MGLL: variants seen among roughly 807,000 people sequenced by gnomAD.
MGLL encodes monoglyceride lipase.
A neutral mutation model predicts 29.1 loss-of-function variants in MGLL; 7 were observed. The ratio of observed to expected loss-of-function variants is 0.24; its 90% CI spans 0.14 to 0.45. The LOEUF is 0.45. Ranked by LOEUF, MGLL falls within the 20% of genes least tolerant of loss-of-function variation. MGLL has a pLI of 0.99. For synonymous variants in MGLL, 148 were observed against 168.3 expected (o/e 0.88, Z 0.93); for missense variants, 356 against 413.6 (o/e 0.86, Z 1.21).
At chr3:127,823,183 G>C (rs2077896013), upstream of MGLL, 1 of 151,600 alleles carries the variant, frequency 6.6e-6, no homozygotes, top group East Asian at 1.9e-4. Flanking sequence ...GCTTCGCGGC[G>C]ACAGGGTGCG....
intron 5 of MGLL, among the ~76,000 whole-genome samples, chr3:127,718,480 C>T (rs938073396): frequency 1.3e-5 from 2 of 152,292 alleles, no homozygotes; most frequent in African/African-American, 2.4e-5. Flanking sequence ...GGAAATGACC[C>T]CAGGGCACCC....
chr3:127,740,275 C>T (rs965587860), intron 3 of MGLL, among the ~76,000 whole-genome samples: 2 of 152,206 alleles, frequency 1.3e-5, no homozygotes, highest in African/African-American at 2.4e-5. Context: ...CATCCAGCTT[C>T]GAACCCTGCC....
chr3:127,736,460 C>G, intron 3 of MGLL: 1 of 611,822 alleles, frequency 1.6e-6, no homozygotes, highest in Non-Finnish European at 2.0e-6. Flanking sequence ...GAAATGGCTC[C>G]GCTGCCCTGG....
At chr3:127,743,454 C>T (rs1017001463) in intron 3 of MGLL, among the ~76,000 whole-genome samples, 1 of 151,460 alleles carries the variant, frequency 6.6e-6, no homozygotes, top group South Asian at 2.1e-4. Flanking sequence ...GGAAATAAGA[C>T]CAATGACAAA....
intron 5 of MGLL, chr3:127,712,287 T>G (rs2075730229): frequency 6.6e-6 from 1 of 152,306 alleles, no homozygotes; most frequent in Non-Finnish European, 1.5e-5. Flanking sequence ...GGGACAAGAT[T>G]GCTGTGCTTG....
At chr3:127,709,329 T>G (rs2075664506) in intron 6 of MGLL, among the ~76,000 whole-genome samples, 1 of 152,232 alleles carries the variant, frequency 6.6e-6, no homozygotes, top group African/African-American at 2.4e-5. Flanking sequence ...GTGGATGGGT[T>G]GGATGGATCA....
chr3:127,762,836 T>C (rs1483515247), intron 3 of MGLL, among the ~76,000 whole-genome samples: 2 of 143,328 alleles, frequency 1.4e-5, no homozygotes, highest in Non-Finnish European at 3.1e-5. Flanking sequence ...AGTTTACAGA[T>C]TGGAGCTCTA....
At chr3:127,702,803 T>G (rs1235015132) in intron 6 of MGLL, among the ~76,000 whole-genome samples, 1 of 152,168 alleles carries the variant, frequency 6.6e-6, no homozygotes, top group African/African-American at 2.4e-5. Flanking sequence ...CAAATGATTC[T>G]CCTGCCTCAG....
intron 3 of MGLL, among the ~76,000 whole-genome samples, chr3:127,766,212 C>A (rs914558958): frequency 3.3e-5 from 5 of 152,172 alleles, no homozygotes; most frequent in East Asian, 1.9e-4. Flanking sequence ...AATAGCCCCC[C>A]ACCAACTACT....
chr3:127,730,088 T>C (rs2076121320), intron 3 of MGLL, among the ~76,000 whole-genome samples: 1 of 152,214 alleles, frequency 6.6e-6, no homozygotes, highest in Non-Finnish European at 1.5e-5. Context: ...GCTGTCGTCT[T>C]TGACTTTAAT....
chr3:127,813,668 C>T (rs891482731), intron 2 of MGLL, among the ~76,000 whole-genome samples: 1 of 152,198 alleles, frequency 6.6e-6, no homozygotes, highest in African/African-American at 2.4e-5. Flanking sequence ...TCCTTTCATC[C>T]CCTGGGCCTC....
intron 2 of MGLL, among the ~76,000 whole-genome samples, chr3:127,795,270 T>C (rs903800580): frequency 2.0e-5 from 3 of 152,186 alleles, no homozygotes; most frequent in African/African-American, 7.2e-5. Context: ...TAATTTATCC[T>C]AAACAAATTA....
chr3:127,737,564 C>T (rs2076262721), intron 3 of MGLL, among the ~76,000 whole-genome samples: 2 of 148,416 alleles, frequency 1.3e-5, no homozygotes, highest in Non-Finnish European at 3.0e-5. Context: ...AACATCTGCC[C>T]GGGTCATTTG....
upstream of MGLL, chr3:127,822,630 G>T (rs2077884254): frequency 4.8e-6 from 2 of 419,680 alleles, no homozygotes; most frequent in Non-Finnish European, 8.5e-6. Context: ...GGAGGGGCCC[G>T]GGAAACTGGG....
intron 2 of MGLL, among the ~76,000 whole-genome samples, chr3:127,803,828 G>A (rs1036893602): frequency 6.6e-6 from 1 of 152,168 alleles, no homozygotes; most frequent in African/African-American, 2.4e-5. Flanking sequence ...AATCCTCTGA[G>A]TACTTAAGAG....
chr3:127,785,591 G>A (rs76822230), intron 2 of MGLL, among the ~76,000 whole-genome samples: 1 of 152,272 alleles, frequency 6.6e-6, no homozygotes, highest in Admixed American at 6.5e-5. Context: ...AGAACAACCT[G>A]GTTGGATTCC....
intron 2 of MGLL, among the ~76,000 whole-genome samples, chr3:127,806,844 T>C (rs1304341106): frequency 6.6e-6 from 1 of 152,176 alleles, no homozygotes; most frequent in Non-Finnish European, 1.5e-5. Context: ...CTGGCTAACA[T>C]GATGAAATCC....
At chr3:127,721,634 G>A (rs1009166369) in intron 4 of MGLL, among the ~76,000 whole-genome samples, 2 of 150,584 alleles carry the variant, frequency 1.3e-5, no homozygotes, top group African/African-American at 2.4e-5. Flanking sequence ...GGGAGTGAAC[G>A]TGGATGGTGC....
chr3:127,810,172 T>C (rs1002093121), intron 2 of MGLL, among the ~76,000 whole-genome samples: 33 of 152,320 alleles, frequency 2.2e-4, no homozygotes, highest in African/African-American at 7.7e-4. Context: ...GGTTGGTATC[T>C]GTGAGCCAAA....
Sources: allele counts gnomAD v4.1 joint callset (sites outside exome capture counted in the v4.1 genomes callset), GRCh38; gene constraint gnomAD v4.1.1; transcripts MANE v1.5; gene names NCBI Gene and HGNC (gene_info 2026-07-23, HGNC 2026-07-21).